The following MLIP variants were observed in gnomAD, a reference collection of about 807,000 sequenced individuals.
MLIP encodes muscular LMNA-interacting protein.
Under a neutral mutation model 84.8 loss-of-function variants are expected in MLIP, and 79 were observed. The observed-to-expected ratio is 0.93, with a 90% confidence interval of 0.78 to 1.12. The LOEUF (loss-of-function observed/expected upper bound fraction) is 1.12, where lower values mean the gene tolerates loss of function less well. MLIP is among the 50% of genes most tolerant of loss of function. The pLI, the probability that MLIP is intolerant of heterozygous loss-of-function variation, is 0.00. For missense variants in MLIP, 1,257 were observed against 1,160.6 expected (o/e 1.08, Z -1.21); for synonymous variants, 504 against 463.0 (o/e 1.09, Z -1.14).
chr6:54,210,629 G>C (rs1779379772), intron 11 of MLIP, among the ~76,000 whole-genome samples: 1 of 147,202 alleles, frequency 6.8e-6, no homozygotes, highest in Non-Finnish European at 1.5e-5. Flanking sequence ...TGGCAGCCAA[G>C]ACTCTGAACT....
chr6:54,147,380 T>C (rs1033371236), intron 4 of MLIP, among the ~76,000 whole-genome samples: 2 of 152,200 alleles, frequency 1.3e-5, no homozygotes, highest in Non-Finnish European at 2.9e-5. Flanking sequence ...CATGGAAAGA[T>C]AGTATTTCAA....
intron 4 of MLIP, 79 bp downstream of exon 4, chr6:54,138,365 A>C: frequency 3.5e-6 from 5 of 1,436,440 alleles, no homozygotes; most frequent in Admixed American, 2.6e-5. Flanking sequence ...GGCAGAAATC[A>C]ATAATTATAG....
chr6:54,230,044 ACC>A (rs2150800780), intron 11 of MLIP, among the ~76,000 whole-genome samples: 1 of 152,220 alleles, frequency 6.6e-6, no homozygotes, highest in East Asian at 1.9e-4. Flanking sequence ...CATGTTGAAG[ACC>A]CACTTTAGTT....
At chr6:54,257,611 C>G (rs954823970) in intron 13 of MLIP, among the ~76,000 whole-genome samples, 6 of 152,100 alleles carry the variant, frequency 3.9e-5, no homozygotes, top group Middle Eastern at 3.4e-3. Flanking sequence ...CAACTCCTAC[C>G]CCAAGTGCCT....
chr6:54,098,140 T>C (rs485026), intron 1 of MLIP, among the ~76,000 whole-genome samples: 118,372 of 123,690 alleles, frequency 0.96, 57,221 homozygotes, highest in South Asian at 0.99. Flanking sequence ...TCTTGGGGAT[T>C]TTTCTTTCTT....
chr6:54,052,380 T>C (rs1054001607), intron 1 of MLIP, among the ~76,000 whole-genome samples: 1 of 152,186 alleles, frequency 6.6e-6, no homozygotes, highest in Non-Finnish European at 1.5e-5. Context: ...CTACCTGTTG[T>C]TCAACCATCT....
intron 13 of MLIP, among the ~76,000 whole-genome samples, chr6:54,264,140 G>A (rs1783553425): frequency 6.6e-6 from 1 of 152,008 alleles, no homozygotes; most frequent in Non-Finnish European, 1.5e-5. Context: ...TGCTAAGCTT[G>A]CTGGCATGGC....
intron 3 of MLIP, 110 bp downstream of exon 3, chr6:54,124,975 GA>G: frequency 2.3e-6 from 2 of 878,044 alleles, no homozygotes; most frequent in Non-Finnish European, 3.2e-6. Flanking sequence ...AACTTTCAAA[GA>G]AAAATATATT....
intron 12 of MLIP, 22 bp downstream of exon 12, chr6:54,230,939 G>A (rs369793778): frequency 6.7e-4 from 1,082 of 1,609,168 alleles, no homozygotes; most frequent in Non-Finnish European, 8.7e-4. Context: ...TCCCCAAAAT[G>A]AGGACTATTC....
rs912199237 is a variant in MLIP at position 54,142,053 on chromosome 6, T to C, written c.2217+3767T>C. Among the ~76,000 whole-genome samples the C allele has an allele frequency of 3.9e-5, 6 of 152,380 alleles. No individual in the cohort carries two copies. In the East Asian group the frequency reaches 1.2e-3, roughly 29 times the overall value. ...GAAAACTTAGTGGCAGCAGTCTATC[T>C]GTGACTTTCTTCATTTCTGCAGAAC... On this transcript the variant is annotated intron_variant, in intron 4 of 13. Coordinates refer to ENST00000502396, the MANE Select transcript of MLIP (RefSeq NM_001281747.2).
At chr6:54,254,379 C>T (rs1483841548) in intron 12 of MLIP, among the ~76,000 whole-genome samples, 4 of 151,982 alleles carry the variant, frequency 2.6e-5, no homozygotes, top group Admixed American at 1.3e-4. Flanking sequence ...CCCGCCTAGG[C>T]CTCCCAAAGT....
chr6:54,136,002 C>T (rs1771768380), intron 3 of MLIP, among the ~76,000 whole-genome samples: 1 of 152,120 alleles, frequency 6.6e-6, no homozygotes, highest in Non-Finnish European at 1.5e-5. Context: ...CTTCTTTTGA[C>T]ACAAAAGAGA....
At chr6:54,020,095 C>T (rs1029822123) in intron 1 of MLIP, among the ~76,000 whole-genome samples, 1 of 152,156 alleles carries the variant, frequency 6.6e-6, no homozygotes, top group African/African-American at 2.4e-5. Flanking sequence ...TTTGGAAAGG[C>T]CATGTGTCCT....
At chr6:54,098,519 C>T (rs559220367) in intron 1 of MLIP, among the ~76,000 whole-genome samples, 7 of 151,688 alleles carry the variant, frequency 4.6e-5, no homozygotes, top group African/African-American at 1.7e-4. Context: ...GGAAAAGAAC[C>T]AGGGCAGGAT....
chr6:54,184,805 CATT>C (rs946051039), intron 9 of MLIP, among the ~76,000 whole-genome samples: 1 of 151,958 alleles, frequency 6.6e-6, no homozygotes, highest in Admixed American at 6.6e-5. Context: ...CTCTTTCTCT[CATT>C]ATTTTTTCTT....
At chr6:54,256,424 T>G (rs936795024) in intron 12 of MLIP, among the ~76,000 whole-genome samples, 1 of 152,078 alleles carries the variant, frequency 6.6e-6, no homozygotes, top group Non-Finnish European at 1.5e-5. Flanking sequence ...GTGAAAGGGG[T>G]CCAATCATTT....
chr6:54,106,075 T>G (rs763988145), intron 1 of MLIP, among the ~76,000 whole-genome samples: 12 of 152,118 alleles, frequency 7.9e-5, no homozygotes, highest in Non-Finnish European at 1.2e-4. Flanking sequence ...CAAAGTTTAT[T>G]AGGGAGTGCT....
rs538997379 is a variant in MLIP, at chr6:54,138,168, C to G, written c.2099C>G (p.Pro700Arg). The change falls in exon 4 of 14, where the codon CCC becomes CGC. Residue 700 changes from proline (P) to arginine (R), a missense_variant. Pro to Arg is a moderately radical substitution (Grantham distance 103, BLOSUM62 -2). Coordinates refer to ENST00000502396, the MANE Select transcript of MLIP (RefSeq NM_001281747.2). ...SRLGKSESTT[P>R]NHRSPVSTPS... ...CTTGGGAAATCTGAAAGCACCACCCCCAACCACAGGTCACCTGTTTCAACC... is the reference window on the plus strand; with the variant it reads ...CTTGGGAAATCTGAAAGCACCACCCGCAACCACAGGTCACCTGTTTCAACC... 1.4e-3 allele frequency: 2,122 copies of G among 1,536,118 alleles called. 2 individuals are homozygous for G. Among genetic ancestry groups the G allele is most frequent in the Admixed American group, 2.8e-3 (142 of 50,996 alleles).
At chr6:54,138,890 A>T (rs915829488) in intron 4 of MLIP, among the ~76,000 whole-genome samples, 1 of 152,190 alleles carries the variant, frequency 6.6e-6, no homozygotes, top group Non-Finnish European at 1.5e-5. Context: ...AAAACAAAAC[A>T]GTTAAAGTGC....
Sources: gnomAD v4.1 joint callset for allele counts (sites outside exome capture counted in the v4.1 genomes callset) on GRCh38, gnomAD v4.1.1 for gene constraint, MANE v1.5 for transcripts, NCBI Gene and HGNC (gene_info 2026-07-23, HGNC 2026-07-21) for gene names.